PIGL: variants seen among roughly 807,000 people sequenced by gnomAD.
The protein encoded by PIGL is N-acetylglucosaminyl-phosphatidylinositol de-N-acetylase.
Under a neutral mutation model 31.1 loss-of-function variants are expected in PIGL, and 22 were observed. That is an observed-to-expected ratio of 0.71 (90% CI 0.51 to 1.01). The LOEUF (loss-of-function observed/expected upper bound fraction) is 1.01, where lower values mean the gene tolerates loss of function less well. PIGL is among the 50% of genes least tolerant of loss of function. The pLI, the probability that PIGL is intolerant of heterozygous loss-of-function variation, is 0.00. For synonymous variants in PIGL, 131 were observed against 117.4 expected (o/e 1.12, Z -0.75); for missense variants, 302 against 315.9 (o/e 0.96, Z 0.33).
At chr17:16,297,870 G>A (rs1431343100) in intron 2 of PIGL, among the ~76,000 whole-genome samples, 1 of 152,192 alleles carries the variant, frequency 6.6e-6, no homozygotes, top group Non-Finnish European at 1.5e-5. Flanking sequence ...CTGCAGACCA[G>A]TACAGGTCCG....
At chr17:16,318,532 A>C (rs1294533508) in intron 6 of PIGL, among the ~76,000 whole-genome samples, 1 of 151,668 alleles carries the variant, frequency 6.6e-6, no homozygotes, top group Non-Finnish European at 1.5e-5. Context: ...CGACCTCCCA[A>C]AGTGCAGGGA....
intron 3 of PIGL, among the ~76,000 whole-genome samples, chr17:16,306,830 G>A (rs1284333024): frequency 2.0e-5 from 3 of 152,066 alleles, no homozygotes; most frequent in Non-Finnish European, 4.4e-5. Context: ...CACCCGGCTG[G>A]CTTTTAAACA....
At chr17:16,263,944 C>T (rs552599889) in intron 2 of PIGL, among the ~76,000 whole-genome samples, 85 of 144,864 alleles carry the variant, frequency 5.9e-4, no homozygotes, top group Admixed American at 8.7e-4. Flanking sequence ...TGAGTTCAAG[C>T]GATTCTCCTG....
chr17:16,255,717 A>G (rs1033286870), intron 2 of PIGL, among the ~76,000 whole-genome samples: 1 of 152,180 alleles, frequency 6.6e-6, no homozygotes, highest in Non-Finnish European at 1.5e-5. Context: ...CTCTCACTCT[A>G]AGAGATTAAA....
At position 16,283,603 on chromosome 17, in the gene PIGL, C is replaced by G. The variant is rs140756433; in HGVS notation, c.336-16285C>G. ...TGGGAGGGTGAGGTGGGAGGATCAT[C>G]TGAGACCTGGAGTTCAAGGTCAGCC... is the stretch of plus-strand genomic sequence containing the variant. On this transcript the variant is annotated intron_variant, in intron 2 of 6. Coordinates refer to ENST00000225609, the MANE Select transcript of PIGL (RefSeq NM_004278.4). Among the ~76,000 whole-genome samples, 513 of 152,300 alleles carry G rather than the reference C, an allele frequency of 3.4e-3. 1 individual carries two copies. Among genetic ancestry groups the G allele is most frequent in the Non-Finnish European group, 4.8e-3 (326 of 68,018 alleles).
At chr17:16,266,917 G>T (rs957853148) in intron 2 of PIGL, among the ~76,000 whole-genome samples, 2 of 147,678 alleles carry the variant, frequency 1.4e-5, no homozygotes, top group African/African-American at 4.9e-5. Context: ...GGGGGGGGGG[G>T]GGTTGTCGTG....
rs150345964 is a variant in PIGL at position 16,227,162 on chromosome 17, G to A, written c.236-6809G>A. On this transcript the variant is annotated intron_variant, in intron 1 of 6. Transcript: ENST00000225609. ...CTCCCTCTGTCACCCAGGCTGGAGT[G>A]CAGTGGCACGATCTCGGCTCACTGC... 6.4e-3 allele frequency among the ~76,000 whole-genome samples: 971 copies of A among 151,226 alleles called. 13 individuals are homozygous for A. The highest frequency in any genetic ancestry group is 0.023 in the African/African-American group (939 of 41,154).
chr17:16,295,555 G>A (rs527705454), intron 2 of PIGL, among the ~76,000 whole-genome samples: 47 of 152,154 alleles, frequency 3.1e-4, no homozygotes, highest in African/African-American at 9.9e-4. Context: ...GCTGAGGTGG[G>A]AGGATCACTT....
rs75344196 is a variant in PIGL at position 16,276,852 on chromosome 17, C to T, written c.336-23036C>T. Reference sequence around the variant, plus strand: ...TTTTACTAAAGACAAATCATGGTAACTGATTTGCTTTGTTATACTTGGCCT... The same window carrying T: ...TTTTACTAAAGACAAATCATGGTAATTGATTTGCTTTGTTATACTTGGCCT... On this transcript the variant is annotated intron_variant, in intron 2 of 6. Transcript: ENST00000225609. Among the ~76,000 whole-genome samples, 1,219 of 152,274 alleles carry T rather than the reference C, an allele frequency of 8.0e-3. 22 individuals are homozygous for T. The highest frequency in any genetic ancestry group is 0.028 in the African/African-American group (1,175 of 41,550).
At position 16,294,461 on chromosome 17, in the gene PIGL, T is replaced by C. The variant is rs2092973132; in HGVS notation, c.336-5427T>C. ...GGTGCCCCCATGTCCCCCAGTACGG[T>C]TCTCCCCGCTGCCCTCTATAACCAA... is the stretch of plus-strand genomic sequence containing the variant. On this transcript the variant is annotated intron_variant, in intron 2 of 6. Transcript: ENST00000225609. Among the ~76,000 whole-genome samples the C allele has an allele frequency of 2.0e-5, 3 of 152,098 alleles. No homozygotes were observed. The South Asian group carries it at 6.2e-4, about 32-fold the overall frequency.
intron 2 of PIGL, among the ~76,000 whole-genome samples, chr17:16,298,946 G>C (rs554834224): frequency 6.6e-6 from 1 of 151,758 alleles, no homozygotes; most frequent in Admixed American, 6.6e-5. Context: ...AGAACCATTC[G>C]AACCCAGGAG....
intron 2 of PIGL, among the ~76,000 whole-genome samples, chr17:16,243,872 C>A (rs2092733392): frequency 6.6e-6 from 1 of 152,226 alleles, no homozygotes; most frequent in South Asian, 2.1e-4. Context: ...CGCAGAGCTG[C>A]GGGAGACCAG....
intron 2 of PIGL, among the ~76,000 whole-genome samples, chr17:16,288,441 G>A (rs1486546118): frequency 6.6e-6 from 1 of 152,138 alleles, no homozygotes; most frequent in African/African-American, 2.4e-5. Context: ...TCCTGACCTC[G>A]TGATCCACCC....
At chr17:16,249,029 T>A (rs1482090524) in intron 2 of PIGL, among the ~76,000 whole-genome samples, 1 of 152,178 alleles carries the variant, frequency 6.6e-6, no homozygotes, top group Non-Finnish European at 1.5e-5. Context: ...TCTATCAGAT[T>A]AGGGCCCCAC....
intron 2 of PIGL, among the ~76,000 whole-genome samples, chr17:16,259,047 T>C (rs746512817): frequency 2.0e-5 from 3 of 152,226 alleles, no homozygotes; most frequent in African/African-American, 4.8e-5. Flanking sequence ...CAGAGAGCCC[T>C]TGGGACAAGT....
intron 4 of PIGL, among the ~76,000 whole-genome samples, chr17:16,316,392 A>G (rs1443509431): frequency 1.3e-5 from 2 of 152,244 alleles, no homozygotes; most frequent in Admixed American, 6.5e-5. Flanking sequence ...AGTCCAGCAC[A>G]GTTACCTTCA....
chr17:16,220,106 T>C (rs1321894964), intron 1 of PIGL, among the ~76,000 whole-genome samples: 1 of 151,896 alleles, frequency 6.6e-6, no homozygotes, highest in Non-Finnish European at 1.5e-5. Context: ...TCCGAGCACT[T>C]TGGGAGGCCG....
intron 2 of PIGL, among the ~76,000 whole-genome samples, chr17:16,272,865 C>G (rs575460310): frequency 6.6e-6 from 1 of 152,068 alleles, no homozygotes; most frequent in Non-Finnish European, 1.5e-5. Context: ...CTGCCTGGTC[C>G]TCTATGATTC....
chr17:16,255,370 C>T (rs2092789673), intron 2 of PIGL, among the ~76,000 whole-genome samples: 1 of 152,184 alleles, frequency 6.6e-6, no homozygotes, highest in Non-Finnish European at 1.5e-5. Flanking sequence ...CAATAAAAAT[C>T]TCGTTTCTCC....
Sources: gnomAD v4.1 joint callset for allele counts (sites outside exome capture counted in the v4.1 genomes callset) on GRCh38, gnomAD v4.1.1 for gene constraint, MANE v1.5 for transcripts, NCBI Gene and HGNC (gene_info 2026-07-23, HGNC 2026-07-21) for gene names.